AFDN: variants seen among roughly 807,000 people sequenced by gnomAD.
AFDN encodes afadin, adherens junction formation factor, also known as afadin.
A neutral mutation model predicts 216.6 loss-of-function variants in AFDN; 68 were observed. The observed-to-expected ratio is 0.31, with a 90% CI of 0.26 to 0.38. The LOEUF (loss-of-function observed/expected upper bound fraction) is 0.38. Ranked by LOEUF, AFDN falls within the 10% of genes least tolerant of loss-of-function variation. AFDN has a pLI of 1.00. For missense variants in AFDN, 2,136 were observed against 2,342.0 expected (o/e 0.91, Z 1.82); for synonymous variants, 868 against 853.7 (o/e 1.02, Z -0.29).
At chr6:167,944,265 C>T (rs372316389) in intron 26 of AFDN, among the ~76,000 whole-genome samples, 39 of 152,280 alleles carry the variant, frequency 2.6e-4, no homozygotes, top group African/African-American at 9.1e-4. Flanking sequence ...ACCAGGACCC[C>T]TCCCTGTCAC....
At chr6:167,859,315 G>A (rs1268517354) in intron 1 of AFDN, among the ~76,000 whole-genome samples, 1 of 152,132 alleles carries the variant, frequency 6.6e-6, no homozygotes. Flanking sequence ...GTTGTTTTGT[G>A]TACTAGCAAC....
At chr6:167,952,218 T>C (rs1796071452) in intron 30 of AFDN, 31 bp downstream of exon 30, 2 of 1,613,650 alleles carry the variant, frequency 1.2e-6, no homozygotes, top group South Asian at 1.1e-5. Context: ...GCTGTGCCCA[T>C]CTGTGGTCCC....
chr6:167,865,013 C>A (rs772752848), intron 2 of AFDN: 5 of 546,086 alleles, frequency 9.2e-6, no homozygotes, highest in Admixed American at 2.5e-5. Context: ...AGTAACGTTA[C>A]ATTTATCCAA....
At chr6:167,965,060 T>C (rs963977511) in intron 31 of AFDN, 1 of 1,038,942 alleles carries the variant, frequency 9.6e-7, no homozygotes, top group Non-Finnish European at 1.2e-6. Flanking sequence ...TAATTTTCTG[T>C]CTGTTAGGGA....
chr6:167,923,058 G>A, intron 22 of AFDN, 99 bp downstream of exon 22: 1 of 793,760 alleles, frequency 1.3e-6, no homozygotes, highest in African/African-American at 1.8e-5. Flanking sequence ...TGGTGTGATG[G>A]CAGAGTTTTA....
chr6:167,916,921 T>C (rs1285110171), intron 19 of AFDN, among the ~76,000 whole-genome samples, 168 bp from the exon 20 acceptor site: 1 of 152,230 alleles, frequency 6.6e-6, no homozygotes, highest in Non-Finnish European at 1.5e-5. Flanking sequence ...TGCTTTTAGT[T>C]CTATTTAATG....
At chr6:167,853,844 C>G (rs1782588362) in intron 1 of AFDN, among the ~76,000 whole-genome samples, 1 of 152,026 alleles carries the variant, frequency 6.6e-6, no homozygotes, top group East Asian at 1.9e-4. Context: ...CGTTTTATTC[C>G]ACTCAGTGAA....
intron 5 of AFDN, 126 bp from the exon 6 acceptor site, chr6:167,880,234 A>G: frequency 2.5e-6 from 2 of 797,454 alleles, no homozygotes; most frequent in Non-Finnish European, 4.1e-6. Context: ...GTTATTAGGC[A>G]GATTGTCTTT....
intron 26 of AFDN, among the ~76,000 whole-genome samples, chr6:167,945,161 C>CT (rs1795119409): frequency 8.2e-6 from 1 of 122,586 alleles, no homozygotes; most frequent in East Asian, 4.8e-4. Flanking sequence ...AAGTGATTTT[C>CT]TATTTTTTTT....
chr6:167,890,691 C>T (rs1787453897), intron 7 of AFDN, among the ~76,000 whole-genome samples, 171 bp from the exon 8 acceptor site: 1 of 151,500 alleles, frequency 6.6e-6, no homozygotes, highest in African/African-American at 2.4e-5. Flanking sequence ...GCTAATATTT[C>T]CTCTGTTGAG....
At chr6:167,957,507 G>T (rs1042714422) in intron 30 of AFDN, among the ~76,000 whole-genome samples, 1 of 152,150 alleles carries the variant, frequency 6.6e-6, no homozygotes, top group Non-Finnish European at 1.5e-5. Context: ...CTATTTTAAT[G>T]ACTGAGATGG....
intron 4 of AFDN, 76 bp downstream of exon 4, chr6:167,872,453 T>G (rs755427737): frequency 2.7e-6 from 4 of 1,463,900 alleles, no homozygotes; most frequent in Non-Finnish European, 3.7e-6. Flanking sequence ...AATTGTTAAA[T>G]TTTCAGATAA....
intron 31 of AFDN, 46 bp from the exon 32 acceptor site, chr6:167,965,711 C>T: frequency 3.4e-6 from 5 of 1,475,628 alleles, no homozygotes; most frequent in Non-Finnish European, 4.5e-6. Flanking sequence ...TCGGCTGTTC[C>T]CTTCTCACCT....
At chr6:167,889,054 A>G (rs1250508669) in intron 6 of AFDN, among the ~76,000 whole-genome samples, 161 bp from the exon 7 acceptor site, 2 of 152,260 alleles carry the variant, frequency 1.3e-5, no homozygotes, top group East Asian at 3.9e-4. Context: ...GTTACCTTTC[A>G]CTTTTATTGA....
intron 29 of AFDN, among the ~76,000 whole-genome samples, chr6:167,950,336 T>C (rs946654937): frequency 6.6e-6 from 1 of 152,218 alleles, no homozygotes; most frequent in African/African-American, 2.4e-5. Context: ...TCCTTTCATA[T>C]GTGCCATTTC....
chr6:167,922,766 T>C, intron 21 of AFDN, 90 bp from the exon 22 acceptor site: 2 of 804,032 alleles, frequency 2.5e-6, no homozygotes, highest in East Asian at 5.0e-5. Context: ...ATACCGTGTG[T>C]TGGATATTAA....
In AFDN at chr6:167,962,523, C is replaced by T. The variant is rs769896424; in HGVS notation, c.4924C>T (p.Arg1642Trp). ...EDRARQEEER[R>W]RQEEERTKRD... Reference sequence around the variant, plus strand: ...CCGAGCGAGGCAAGAGGAAGAGCGCCGGCGGCAGGAGGAGGAGCGAACAAA... The same window carrying T: ...CCGAGCGAGGCAAGAGGAAGAGCGCTGGCGGCAGGAGGAGGAGCGAACAAA... Residue 1642 changes from arginine to tryptophan, a missense_variant, in exon 31 of 34, where the codon CGG becomes TGG. Around this residue, in one of 8 missense-constraint regions of AFDN, gnomAD observed 981 missense variants for 966.0 expected, o/e 1.02. Coordinates refer to ENST00000683244, the MANE Select transcript of AFDN (RefSeq NM_001386888.1). This position sits in a 1 kb window ranked among gnomAD's most constrained non-coding sequence, Gnocchi z 5.2. 23 of 1,613,634 alleles carry T rather than the reference C, an allele frequency of 1.4e-5. No homozygotes were observed. The African/African-American group carries it at 1.9e-4, about 13-fold the overall frequency.
intron 32 of AFDN, chr6:167,968,587 C>G (rs1211242455): frequency 6.4e-6 from 1 of 155,402 alleles, no homozygotes; most frequent in African/African-American, 2.4e-5. Context: ...TCAGATTTTT[C>G]CAGTGTGAAT....
chr6:167,936,764 C>T (rs1265364795), intron 23 of AFDN, among the ~76,000 whole-genome samples: 3 of 152,136 alleles, frequency 2.0e-5, no homozygotes. Context: ...GTGCACATTC[C>T]AGTCCTGCAC....
Sources: allele counts gnomAD v4.1 joint callset (sites outside exome capture counted in the v4.1 genomes callset), GRCh38; gene constraint gnomAD v4.1.1; regional missense constraint gnomAD v4.1.1; non-coding constraint Gnocchi (gnomAD v3.1); transcripts MANE v1.5; gene names NCBI Gene and HGNC (gene_info 2026-07-23, HGNC 2026-07-21).